The following DTNA variants were observed in gnomAD, a reference collection of about 807,000 sequenced individuals.
The protein encoded by DTNA is dystrobrevin alpha, also known as dystrophin-related protein 3.
In DTNA, 43 loss-of-function variants were observed where a neutral mutation model predicts 100.7. That is an observed-to-expected ratio of 0.43 (90% CI 0.33 to 0.55). The LOEUF (loss-of-function observed/expected upper bound fraction) is 0.55. Ranked by LOEUF, DTNA falls within the 20% of genes least tolerant of loss-of-function variation. DTNA has a pLI of 0.04. For synonymous variants in DTNA, 349 were observed against 347.9 expected, an observed-to-expected ratio of 1.00 and a Z score of -0.04; for missense variants, 798 against 953.9, an observed-to-expected ratio of 0.84 and a Z score of 2.15.
At chr18:34,764,787 T>G (rs1055178484) in intron 2 of DTNA, among the ~76,000 whole-genome samples, 58 of 152,222 alleles carry the variant, frequency 3.8e-4, no homozygotes, top group African/African-American at 1.4e-3. Flanking sequence ...CTCTAAAGGA[T>G]TCACATAGCA....
chr18:34,866,078 A>C (rs781018215), intron 17 of DTNA: 2 of 1,611,570 alleles, frequency 1.2e-6, no homozygotes, highest in Non-Finnish European at 1.7e-6. Context: ...AACCCTGGGT[A>C]ATCTAACTGT....
At chr18:34,691,071 A>G (rs1413382673) in intron 1 of DTNA, among the ~76,000 whole-genome samples, 1 of 152,208 alleles carries the variant, frequency 6.6e-6, no homozygotes, top group Non-Finnish European at 1.5e-5. Flanking sequence ...ACTGCCTCTT[A>G]GGTAAAATAA....
intron 1 of DTNA, among the ~76,000 whole-genome samples, chr18:34,688,541 G>T (rs992826015): frequency 5.9e-5 from 9 of 152,130 alleles, no homozygotes; most frequent in African/African-American, 2.2e-4. Flanking sequence ...CCCTTTGTGG[G>T]TAACGCGACC....
At chr18:34,543,127 ATT>A (rs1356795960) in intron 1 of DTNA, among the ~76,000 whole-genome samples, 6 of 152,054 alleles carry the variant, frequency 3.9e-5, no homozygotes, top group Non-Finnish European at 5.9e-5. Flanking sequence ...CTTTAATAAA[ATT>A]TCCAGAAATA....
upstream of DTNA, among the ~76,000 whole-genome samples, chr18:34,706,199 C>T (rs1342887248): frequency 2.0e-5 from 3 of 152,292 alleles, no homozygotes; most frequent in Non-Finnish European, 2.9e-5. Context: ...CCACTCGCCT[C>T]GGCCTCCCAA....
At chr18:34,873,389 G>A (rs1371018682) in intron 17 of DTNA, among the ~76,000 whole-genome samples, 1 of 152,184 alleles carries the variant, frequency 6.6e-6, no homozygotes, top group Non-Finnish European at 1.5e-5. Flanking sequence ...AGAGGCTCAG[G>A]AGCCTTGCTA....
At chr18:34,857,455 CT>C (rs1568799223) in intron 15 of DTNA, among the ~76,000 whole-genome samples, 1 of 152,184 alleles carries the variant, frequency 6.6e-6, no homozygotes, top group East Asian at 1.9e-4. Flanking sequence ...ACTTATAACC[CT>C]GCTTAATGGC....
At chr18:34,677,827 A>G (rs1311485575) in intron 1 of DTNA, among the ~76,000 whole-genome samples, 4 of 152,214 alleles carry the variant, frequency 2.6e-5, no homozygotes, top group African/African-American at 9.6e-5. Flanking sequence ...TTGGGTCTGA[A>G]TGTCACAGAA....
chr18:34,746,184 TG>T (rs34514978), intron 1 of DTNA, among the ~76,000 whole-genome samples: 54 of 149,984 alleles, frequency 3.6e-4, no homozygotes, highest in East Asian at 9.8e-4. Flanking sequence ...TCTTCTAATT[TG>T]GGGGGGGGAC....
At position 34,664,225 on chromosome 18, in the gene DTNA, A is replaced by G. The variant is rs187014696; in HGVS notation, c.-1-91751A>G. On this transcript the variant is annotated intron_variant, in intron 1 of 19. Transcript: ENST00000283365. ...CAGAAGCAGATAGGTAAATCTGGCT[A>G]TCTTCCATTAAGCCAGATATTAGGG... Among the ~76,000 whole-genome samples the G allele has an allele frequency of 3.4e-3, 512 of 152,282 alleles. 1 individual carries two copies. Among genetic ancestry groups the G allele is most frequent in the Non-Finnish European group, 5.7e-3 (388 of 68,016 alleles).
chr18:34,606,333 TAAAAG>T (rs978436598), intron 1 of DTNA, among the ~76,000 whole-genome samples: 4 of 152,210 alleles, frequency 2.6e-5, no homozygotes, highest in Admixed American at 2.0e-4. Context: ...AAAATACAAA[TAAAAG>T]AAAACATTTA....
intron 3 of DTNA, among the ~76,000 whole-genome samples, chr18:34,770,202 G>A (rs578132147): frequency 2.0e-5 from 3 of 152,208 alleles, no homozygotes; most frequent in African/African-American, 4.8e-5. Flanking sequence ...TATTTACTTC[G>A]TAGAAATCAG....
intron 1 of DTNA, among the ~76,000 whole-genome samples, chr18:34,611,361 A>T (rs12327368): frequency 6.6e-6 from 1 of 152,146 alleles, no homozygotes; most frequent in Non-Finnish European, 1.5e-5. Flanking sequence ...TGAAAATTTA[A>T]CAGGTAGAGA....
intron 1 of DTNA, among the ~76,000 whole-genome samples, chr18:34,698,867 T>C (rs1435715043): frequency 1.3e-5 from 2 of 151,920 alleles, no homozygotes; most frequent in African/African-American, 4.8e-5. Context: ...CCATTCCCAG[T>C]CCACTGGCTC....
At chr18:34,588,730 G>A (rs796470863) in intron 1 of DTNA, among the ~76,000 whole-genome samples, 11 of 137,432 alleles carry the variant, frequency 8.0e-5, no homozygotes, top group African/African-American at 2.7e-4. Context: ...GTAAAATAAT[G>A]TCATTACAGA....
At chr18:34,600,807 C>T (rs1248769671) in intron 1 of DTNA, among the ~76,000 whole-genome samples, 1 of 152,200 alleles carries the variant, frequency 6.6e-6, no homozygotes, top group African/African-American at 2.4e-5. Context: ...ACAAACAACT[C>T]TCAATTTCAG....
intron 1 of DTNA, among the ~76,000 whole-genome samples, chr18:34,585,606 AAG>A (rs775980096): frequency 6.6e-6 from 1 of 152,066 alleles, no homozygotes; most frequent in Non-Finnish European, 1.5e-5. Context: ...GGAAAGAAGA[AAG>A]AGAGAGAGAT....
chr18:34,555,687 T>G (rs1404606049), intron 1 of DTNA, among the ~76,000 whole-genome samples: 1 of 152,230 alleles, frequency 6.6e-6, no homozygotes, highest in Non-Finnish European at 1.5e-5. Context: ...TGAGCGGTTT[T>G]GAGTGAGATT....
chr18:34,779,162 C>T (rs934974394), intron 3 of DTNA, among the ~76,000 whole-genome samples: 1 of 152,132 alleles, frequency 6.6e-6, no homozygotes, highest in Non-Finnish European at 1.5e-5. Context: ...GCAAACAACA[C>T]AACAATTTCA....
Sources: allele counts gnomAD v4.1 joint callset (sites outside exome capture counted in the v4.1 genomes callset), GRCh38; gene constraint gnomAD v4.1.1; transcripts MANE v1.5; gene names NCBI Gene and HGNC (gene_info 2026-07-23, HGNC 2026-07-21).